Variants in PIK3R3 observed in about 807,000 individuals in gnomAD.
PIK3R3 encodes phosphoinositide-3-kinase regulatory subunit 3.
A neutral mutation model predicts 62.9 loss-of-function variants in PIK3R3; 64 were observed. The observed-to-expected ratio is 1.02, with a 90% CI of 0.83 to 1.25. The LOEUF is 1.25. PIK3R3 is among the 50% of genes most tolerant of loss of function. The pLI, the probability that PIK3R3 is intolerant of heterozygous loss-of-function variation, is 0.00. For synonymous variants in PIK3R3, 165 were observed against 189.0 expected, an observed-to-expected ratio of 0.87 and a Z score of 1.04; for missense variants, 614 against 561.6, an observed-to-expected ratio of 1.09 and a Z score of -0.94.
At chr1:46,066,546 G>A (rs1034290145) in intron 4 of PIK3R3, among the ~76,000 whole-genome samples, 1 of 152,166 alleles carries the variant, frequency 6.6e-6, no homozygotes, top group Non-Finnish European at 1.5e-5. Context: ...TGCACTAGGC[G>A]CAATGACTCA....
rs764399036 is a variant in PIK3R3, at chr1:46,043,491, G to A, written c.*182C>T. ...AGTGCAGCGGCATGGCTGAGTCCTA[G>A]AGAACCTCAGGCCTCTAATGCCCCC... is the stretch of plus-strand genomic sequence containing the variant. On this transcript the variant is annotated 3_prime_UTR_variant, in exon 10 of 10. Coordinates refer to ENST00000262741, the MANE Select transcript of PIK3R3 (RefSeq NM_003629.4). The A allele has an allele frequency of 1.7e-6, 1 of 597,096 alleles. No homozygotes were observed. The highest frequency in any genetic ancestry group is 3.0e-6 in the Non-Finnish European group (1 of 334,560). 37.0% of individuals were successfully genotyped at this position (597,096 alleles called of 1,614,324 possible). A position where few individuals can be genotyped will look rare whatever the true frequency, so the allele number is the denominator to read the frequency against.
At chr1:46,064,409 T>TG (rs1366005708) in intron 5 of PIK3R3, among the ~76,000 whole-genome samples, 19 of 151,656 alleles carry the variant, frequency 1.3e-4, no homozygotes, top group Non-Finnish European at 4.4e-5. Context: ...GGCATGGTGG[T>TG]GCACGCCTGT....
At chr1:46,149,278 C>T in the PIK3R3 span, among the ~76,000 whole-genome samples, 5 of 151,508 alleles carry the variant, frequency 3.3e-5, no homozygotes, top group South Asian at 6.3e-4. Context: ...AAAAATTAGC[C>T]GAGCGTGATA....
Position 46,099,602 on chromosome 1 carries a change from G to T in PIK3R3, c.107-18852C>A, listed in dbSNP as rs559937378. Among the ~76,000 whole-genome samples, 6 of 152,002 alleles carry T rather than the reference G, an allele frequency of 3.9e-5. No homozygotes were observed. The East Asian group carries it at 1.2e-3, about 29-fold the overall frequency. The stretch of plus-strand genomic sequence containing the variant: ...AAGTAGGTATTTTTATTTTCTCACC[G>T]TTCTCTACCATTACATGAATATTCT... On this transcript the variant is annotated intron_variant, in intron 1 of 9. Transcript: ENST00000262741.
chr1:46,154,236 T>C, the PIK3R3 span, among the ~76,000 whole-genome samples: 7 of 151,992 alleles, frequency 4.6e-5, no homozygotes, highest in South Asian at 1.5e-3. Flanking sequence ...GCAAAACTCA[T>C]GAATATAAAA....
At chr1:46,114,123 A>T (rs1653970585) in intron 1 of PIK3R3, among the ~76,000 whole-genome samples, 1 of 152,206 alleles carries the variant, frequency 6.6e-6, no homozygotes, top group African/African-American at 2.4e-5. Context: ...TACAAAGATC[A>T]CTGCCCTATT....
Position 46,040,465 on chromosome 1 carries a change from G to C in PIK3R3, c.*3208C>G. 4.3e-6 allele frequency: 1 copy of C among 230,134 alleles called. No homozygotes were observed. The highest frequency in any genetic ancestry group is 1.8e-4 in the South Asian group (1 of 5,490). The allele number at this position is 230,134 out of a possible 1,614,324, so 14.3% of individuals were successfully genotyped here. ...ATTTTTCACAAGTAACGGCACCAAAGTCACATGCTGGAATTTGTAAGGAAA... is the reference window on the plus strand; with the variant it reads ...ATTTTTCACAAGTAACGGCACCAAACTCACATGCTGGAATTTGTAAGGAAA... On this transcript the variant is annotated 3_prime_UTR_variant, in exon 10 of 10. Transcript: ENST00000262741.
chr1:46,083,256 T>C (rs1650769112), intron 1 of PIK3R3, among the ~76,000 whole-genome samples: 1 of 152,148 alleles, frequency 6.6e-6, no homozygotes, highest in Admixed American at 6.5e-5. Flanking sequence ...AACTAAAAAT[T>C]GATCAAAGAC....
At chr1:46,137,736 C>A (rs1316605102), upstream of PIK3R3, among the ~76,000 whole-genome samples, 1 of 152,166 alleles carries the variant, frequency 6.6e-6, no homozygotes, top group Non-Finnish European at 1.5e-5. Context: ...CCTCATGGTC[C>A]TTTAACCATC....
chr1:46,070,486 A>G (rs897643512), intron 3 of PIK3R3, among the ~76,000 whole-genome samples: 3 of 152,224 alleles, frequency 2.0e-5, no homozygotes, highest in African/African-American at 7.2e-5. Context: ...TTTAAAAGAG[A>G]AAAAAAGAAC....
intron 3 of PIK3R3, among the ~76,000 whole-genome samples, chr1:46,069,188 G>A (rs1649273833): frequency 6.6e-6 from 1 of 152,162 alleles, no homozygotes; most frequent in Non-Finnish European, 1.5e-5. Context: ...CAGAAGAATG[G>A]AATTGTCATT....
chr1:46,076,007 T>G (rs12142296), intron 3 of PIK3R3, among the ~76,000 whole-genome samples: 14,706 of 152,202 alleles, frequency 0.097, 890 homozygotes, highest in Middle Eastern at 0.15. Context: ...GACAGAGAGA[T>G]AAAATTTTTT....
chr1:46,109,660 C>CT (rs1557620118), intron 1 of PIK3R3, among the ~76,000 whole-genome samples: 1 of 151,770 alleles, frequency 6.6e-6, no homozygotes, highest in Admixed American at 6.6e-5. Flanking sequence ...GTTTTTTTGC[C>CT]TTTTTAGTAG....
the PIK3R3 span, among the ~76,000 whole-genome samples, chr1:46,160,266 A>G: frequency 6.6e-6 from 1 of 152,334 alleles, no homozygotes; most frequent in East Asian, 1.9e-4. Flanking sequence ...GGATTTAAGC[A>G]AGCAAAGACT....
rs558592022 is a variant in PIK3R3, at chr1:46,096,469, G to A, written c.107-15719C>T. On this transcript the variant is annotated intron_variant, in intron 1 of 9. Transcript: ENST00000262741. ...ATTTCACTGGAATACCAGAAATTTCGTAATATTCTGCTGGGTGCCACAAGT... is the reference window on the plus strand; with the variant it reads ...ATTTCACTGGAATACCAGAAATTTCATAATATTCTGCTGGGTGCCACAAGT... 1.6e-3 allele frequency among the ~76,000 whole-genome samples: 244 copies of A among 152,336 alleles called. 3 individuals are homozygous for A. Among genetic ancestry groups the A allele is most frequent in the Admixed American group, 4.3e-3 (66 of 15,306 alleles).
upstream of PIK3R3, among the ~76,000 whole-genome samples, chr1:46,133,890 A>T (rs186775346): frequency 6.6e-6 from 1 of 152,122 alleles, no homozygotes; most frequent in South Asian, 2.1e-4. Flanking sequence ...TCTCACCAAA[A>T]GGGCTCTATT....
intron 1 of PIK3R3, among the ~76,000 whole-genome samples, chr1:46,121,749 G>A (rs1654700601): frequency 6.6e-6 from 1 of 152,088 alleles, no homozygotes; most frequent in Non-Finnish European, 1.5e-5. Flanking sequence ...GTAAGGATAG[G>A]CAATCTGGCC....
intron 1 of PIK3R3, among the ~76,000 whole-genome samples, chr1:46,120,414 A>G (rs1053658552): frequency 7.2e-5 from 11 of 152,098 alleles, no homozygotes; most frequent in Non-Finnish European, 4.4e-5. Flanking sequence ...CATCTCTACT[A>G]AAGACAAAAT....
intron 7 of PIK3R3, among the ~76,000 whole-genome samples, chr1:46,050,664 A>G (rs1028807336): frequency 3.3e-5 from 5 of 152,228 alleles, no homozygotes; most frequent in African/African-American, 1.2e-4. Flanking sequence ...CCACTACACA[A>G]TGATAATTAC....
Sources: gnomAD v4.1 joint callset for allele counts (sites outside exome capture counted in the v4.1 genomes callset) on GRCh38, gnomAD v4.1.1 for gene constraint, MANE v1.5 for transcripts, NCBI Gene and HGNC (gene_info 2026-07-23, HGNC 2026-07-21) for gene names.